The following BLVRA variants were observed in gnomAD, a reference collection of about 807,000 sequenced individuals.
BLVRA encodes BVR A.
A neutral mutation model predicts 32.8 loss-of-function variants in BLVRA; 22 were observed. The observed-to-expected ratio is 0.67, with a 90% CI of 0.48 to 0.96. The LOEUF is 0.96. Among genes scored for constraint, BLVRA ranks in the 40% least tolerant of loss-of-function variants. The pLI, the probability that BLVRA is intolerant of heterozygous loss-of-function variation, is 0.00. For missense variants in BLVRA, 323 were observed against 358.1 expected, an observed-to-expected ratio of 0.90 and a Z score of 0.79; for synonymous variants, 119 against 141.3, an observed-to-expected ratio of 0.84 and a Z score of 1.12.
intron 2 of BLVRA, among the ~76,000 whole-genome samples, chr7:43,786,524 A>G (rs1161165851): frequency 6.6e-6 from 1 of 152,208 alleles, no homozygotes; most frequent in Admixed American, 6.5e-5. Flanking sequence ...AACACAATCA[A>G]CCAACTTGAT....
intron 4 of BLVRA, 130 bp from the exon 5 acceptor site, chr7:43,792,585 C>T: frequency 2.3e-6 from 2 of 865,000 alleles, no homozygotes; most frequent in African/African-American, 3.3e-5. Context: ...CTGACTCCTA[C>T]CCCCAGTCAT....
chr7:43,766,290 G>GA (rs56186712), intron 1 of BLVRA, among the ~76,000 whole-genome samples: 1,858 of 93,748 alleles, frequency 0.02, 36 homozygotes, highest in African/African-American at 0.065. Context: ...CTGTCTCAGG[G>GA]AAAAAAAAAA....
intron 5 of BLVRA, among the ~76,000 whole-genome samples, chr7:43,794,977 G>A (rs965265478): frequency 4.6e-5 from 7 of 152,090 alleles, no homozygotes; most frequent in Non-Finnish European, 1.0e-4. Flanking sequence ...TTGGGAAGCC[G>A]AGGCTGGTGG....
chr7:43,782,966 G>A (rs1180587437), intron 2 of BLVRA, among the ~76,000 whole-genome samples: 2 of 151,876 alleles, frequency 1.3e-5, no homozygotes, highest in Non-Finnish European at 2.9e-5. Flanking sequence ...GGAGTCTGGG[G>A]CACTTGGGGT....
In BLVRA at chr7:43,775,956, AGTTT is replaced by A. The variant is rs559281070; in HGVS notation, c.12+4789_12+4792del. 2.8e-4 allele frequency among the ~76,000 whole-genome samples: 42 copies of A among 152,262 alleles called. 1 individual carries two copies. The South Asian group carries it at 8.5e-3, about 31-fold the overall frequency. ...GGTGTTTGTAGTATTCTCTGATGGT[AGTTT>A]GTATTTCTGTGGGATTGGTAGTGAT... On this transcript the variant is annotated intron_variant, in intron 2 of 7. Coordinates refer to ENST00000265523, the MANE Select transcript of BLVRA (RefSeq NM_000712.4).
At chr7:43,779,139 T>G (rs1164953651) in intron 2 of BLVRA, among the ~76,000 whole-genome samples, 1 of 152,224 alleles carries the variant, frequency 6.6e-6, no homozygotes, top group Non-Finnish European at 1.5e-5. Context: ...TGCTTCGGCT[T>G]GCACACGGTG....
intron 3 of BLVRA, among the ~76,000 whole-genome samples, chr7:43,789,421 C>G (rs1044941596): frequency 1.3e-5 from 2 of 152,218 alleles, no homozygotes; most frequent in African/African-American, 2.4e-5. Context: ...GTGCTAGAAT[C>G]TGCCCTTGGG....
intron 5 of BLVRA, 152 bp from the exon 6 acceptor site, chr7:43,800,313 G>A: frequency 1.4e-6 from 1 of 705,980 alleles, no homozygotes; most frequent in Non-Finnish European, 2.6e-6. Flanking sequence ...AGCTGGGGTG[G>A]GTGACAGTGG....
chr7:43,806,913 G>A (rs2095804568), intron 7 of BLVRA, 64 bp from the exon 8 acceptor site: 2 of 1,596,890 alleles, frequency 1.3e-6, no homozygotes, highest in Non-Finnish European at 1.7e-6. Context: ...TCTGGTGCCA[G>A]CAAGCACCCA....
intron 2 of BLVRA, among the ~76,000 whole-genome samples, chr7:43,775,768 CCTGGACT>C (rs1242511835): frequency 6.6e-6 from 1 of 152,208 alleles, no homozygotes. Flanking sequence ...TCCATCTCGT[CCTGGACT>C]CTTTTTGGTT....
intron 1 of BLVRA, among the ~76,000 whole-genome samples, chr7:43,763,490 TGAAG>T (rs547240160): frequency 4.6e-5 from 7 of 152,302 alleles, no homozygotes; most frequent in African/African-American, 1.7e-4. Flanking sequence ...CTCTGCAGAA[TGAAG>T]GTTGGGGCAC....
chr7:43,798,197 C>CACA (rs1554584924), intron 5 of BLVRA, among the ~76,000 whole-genome samples: 16 of 45,198 alleles, frequency 3.5e-4, no homozygotes, highest in Non-Finnish European at 6.4e-4. Flanking sequence ...CCCCATCTCA[C>CACA]AAAAAAAAAA....
chr7:43,780,264 C>T (rs767259755), intron 2 of BLVRA, among the ~76,000 whole-genome samples: 2 of 152,164 alleles, frequency 1.3e-5, no homozygotes, highest in South Asian at 2.1e-4. Context: ...TGCTCCTCCT[C>T]GAAGGGCCAT....
intron 5 of BLVRA, among the ~76,000 whole-genome samples, chr7:43,795,286 C>G (rs868581145): frequency 6.6e-6 from 1 of 151,822 alleles, no homozygotes; most frequent in Admixed American, 6.6e-5. Flanking sequence ...GAGGCTGAGG[C>G]GGGCGAATCA....
chr7:43,766,069 C>A (rs1250813132), intron 1 of BLVRA, among the ~76,000 whole-genome samples: 1 of 152,164 alleles, frequency 6.6e-6, no homozygotes, highest in Non-Finnish European at 1.5e-5. Flanking sequence ...GGGTGGATCA[C>A]CTGAGGTGAG....
chr7:43,779,138 TTGCACACGGTGCAC>T (rs2095765632), intron 2 of BLVRA, among the ~76,000 whole-genome samples: 1 of 152,362 alleles, frequency 6.6e-6, no homozygotes, highest in African/African-American at 2.4e-5. Context: ...CTGCTTCGGC[TTGCACACGGTGCAC>T]TGCACCCACT....
chr7:43,787,892 C>T lies in BLVRA; in HGVS notation c.13-12C>T. ...GTGTTTTCAGACTCCACCTTGGTCC[C>T]TTGTGTTTCAGCCCGAGAGGAAGTT... On this transcript the variant is annotated splice_polypyrimidine_tract_variant and intron_variant, in intron 2 of 7. Transcript: ENST00000265523. The surrounding 1 kb of genome is among the most constrained non-coding windows in gnomAD (Gnocchi z 4.5). 2 of 1,614,150 alleles carry T rather than the reference C, an allele frequency of 1.2e-6. No individual in the cohort carries two copies. Among genetic ancestry groups the T allele is most frequent in the African/African-American group, 1.3e-5 (1 of 75,026 alleles).
chr7:43,760,699 T>TAA (rs370710697), intron 1 of BLVRA, among the ~76,000 whole-genome samples: 2 of 145,136 alleles, frequency 1.4e-5, no homozygotes, highest in Non-Finnish European at 3.0e-5. Flanking sequence ...TTTGTGTATT[T>TAA]AAAAAAAAAA....
At chr7:43,796,662 G>A (rs1459960911) in intron 5 of BLVRA, among the ~76,000 whole-genome samples, 2 of 152,102 alleles carry the variant, frequency 1.3e-5, no homozygotes, top group African/African-American at 2.4e-5. Flanking sequence ...TCTTACATAC[G>A]ACATCAAAAA....
Sources: allele counts gnomAD v4.1 joint callset (sites outside exome capture counted in the v4.1 genomes callset), GRCh38; gene constraint gnomAD v4.1.1; non-coding constraint Gnocchi (gnomAD v3.1); transcripts MANE v1.5; gene names NCBI Gene and HGNC (gene_info 2026-07-23, HGNC 2026-07-21).